The following DFFB variants were observed in gnomAD, a reference collection of about 807,000 sequenced individuals.
DFFB encodes DNA fragmentation factor subunit beta.
A neutral mutation model predicts 32.7 loss-of-function variants in DFFB; 29 were observed. That is an observed-to-expected ratio of 0.89 (90% confidence interval 0.66 to 1.21). The LOEUF is 1.21. Among genes scored for constraint, DFFB ranks in the 50% most tolerant of loss-of-function variants. The pLI, the probability that DFFB is intolerant of heterozygous loss-of-function variation, is 0.00. For synonymous variants in DFFB, 170 were observed against 177.1 expected, an observed-to-expected ratio of 0.96 and a Z score of 0.32; for missense variants, 398 against 440.6, an observed-to-expected ratio of 0.90 and a Z score of 0.87.
At chr1:3,868,225 C>G (rs1053791535) in intron 4 of DFFB, among the ~76,000 whole-genome samples, 172 bp downstream of exon 4, 5 of 152,144 alleles carry the variant, frequency 3.3e-5, no homozygotes, top group African/African-American at 1.2e-4. Context: ...CCCTGTGCCT[C>G]CTCCCTTCAT....
At chr1:3,876,814 G>A (rs75936154) in intron 6 of DFFB, among the ~76,000 whole-genome samples, 1,620 of 152,358 alleles carry the variant, frequency 0.011, 15 homozygotes, top group Non-Finnish European at 0.018. Flanking sequence ...CACAGAGAGC[G>A]TCCAGGCTTG....
Position 3,865,472 on chromosome 1 carries a change from G to A in DFFB, c.242-340G>A, listed in dbSNP as rs923901031. Among the ~76,000 whole-genome samples the A allele has an allele frequency of 3.3e-5, 5 of 152,168 alleles. No individual in the cohort carries two copies. Among genetic ancestry groups the A allele is most frequent in the African/African-American group, 1.2e-4 (5 of 41,438 alleles). Reference sequence around the variant, plus strand: ...GAGAGAGTAGGAAAAGTGATCGGAAGGATCTGAAAGCAAGGTCTCCAGGAA... The same window carrying A: ...GAGAGAGTAGGAAAAGTGATCGGAAAGATCTGAAAGCAAGGTCTCCAGGAA... On this transcript the variant is annotated intron_variant, in intron 2 of 6. Coordinates refer to ENST00000378209, the MANE Select transcript of DFFB (RefSeq NM_004402.4). The surrounding 1 kb of genome is among the most constrained non-coding windows in gnomAD (Gnocchi z 4.7).
rs1232953059 is a variant in DFFB at position 3,883,917 on chromosome 1, T to G, written c.*176T>G. The G allele has an allele frequency of 3.8e-5, 23 of 599,966 alleles. No homozygotes were observed. Among genetic ancestry groups the G allele is most frequent in the Non-Finnish European group, 6.1e-5 (21 of 342,810 alleles). 37.2% of individuals were successfully genotyped at this position (599,966 alleles called of 1,614,324 possible). A position where few individuals can be genotyped will look rare whatever the true frequency, so the allele number is the denominator to read the frequency against. ...TCATTACATTTCTGAATTGTTGGGG[T>G]TTTTTTTGTTGTTTTGTTTTGTTTT... On this transcript the variant is annotated 3_prime_UTR_variant, in exon 7 of 7. Coordinates refer to ENST00000378209, the MANE Select transcript of DFFB (RefSeq NM_004402.4).
rs574147961 is a variant in DFFB, at chr1:3,883,863, C to T, written c.*122C>T. 1 of 710,164 alleles carries T rather than the reference C, an allele frequency of 1.4e-6. No homozygotes were observed. The highest frequency in any genetic ancestry group is 1.8e-5 in the African/African-American group (1 of 55,530). The allele number at this position is 710,164 out of a possible 1,614,324, so 44.0% of individuals were successfully genotyped here. A position where few individuals can be genotyped will look rare whatever the true frequency, so the allele number is the denominator to read the frequency against. On this transcript the variant is annotated 3_prime_UTR_variant, in exon 7 of 7. Coordinates refer to ENST00000378209, the MANE Select transcript of DFFB (RefSeq NM_004402.4). The stretch of plus-strand genomic sequence containing the variant: ...CACTCCAGTAGCTCCTGGAAAAAAC[C>T]TTAAAAAATGTTTCCTCCAAATCTG...
chr1:3,871,181 C>G (rs548053887), intron 5 of DFFB, among the ~76,000 whole-genome samples: 1 of 152,334 alleles, frequency 6.6e-6, no homozygotes, highest in African/African-American at 2.4e-5. Context: ...GGTGTGTGAT[C>G]ACACGGGTAA....
intron 6 of DFFB, 33 bp from the exon 7 acceptor site, chr1:3,883,474 A>C (rs370047541): frequency 4.8e-4 from 768 of 1,603,040 alleles, no homozygotes; most frequent in Non-Finnish European, 6.3e-4. Context: ...CACTGTGACC[A>C]CAGAAAATGA....
In DFFB at chr1:3,883,820, G is replaced by T; in HGVS notation, c.*79G>T. On this transcript the variant is annotated 3_prime_UTR_variant, in exon 7 of 7. Transcript: ENST00000378209. Reference sequence around the variant, plus strand: ...TAACAGGTGCCTTTTTTGTTTTTTTGTTTTTCGTTTTTTTGGTCACTCCAG... The same window carrying T: ...TAACAGGTGCCTTTTTTGTTTTTTTTTTTTTCGTTTTTTTGGTCACTCCAG... 3.7e-6 allele frequency: 5 copies of T among 1,338,982 alleles called. No individual in the cohort carries two copies. The highest frequency in any genetic ancestry group is 4.2e-6 in the Non-Finnish European group (4 of 961,474). The allele number at this position is 1,338,982 out of a possible 1,614,324, so 82.9% of individuals were successfully genotyped here.
intron 6 of DFFB, among the ~76,000 whole-genome samples, chr1:3,877,057 G>A (rs1645238100): frequency 6.6e-6 from 1 of 152,182 alleles, no homozygotes; most frequent in Non-Finnish European, 1.5e-5. Context: ...GGAGCCCTGG[G>A]GACGTTTCTT....
At chr1:3,863,044 G>T (rs1396144268) in intron 2 of DFFB, among the ~76,000 whole-genome samples, 2 of 152,196 alleles carry the variant, frequency 1.3e-5, no homozygotes, top group Non-Finnish European at 2.9e-5. Context: ...AGCTACTCAG[G>T]AGGCTGAGGC....
chr1:3,864,797 C>T (rs1644943592), intron 2 of DFFB, among the ~76,000 whole-genome samples: 1 of 152,060 alleles, frequency 6.6e-6, no homozygotes, highest in South Asian at 2.1e-4. Flanking sequence ...GATTCTCCCA[C>T]CTCGGTCTCT....
Position 3,858,773 on chromosome 1 carries a change from A to T in DFFB, c.170A>T (p.Glu57Val), listed in dbSNP as rs150699255. The stretch of plus-strand genomic sequence containing the variant: ...TACGAGGATGGCACGGAGCTGACGG[A>T]AGATTACTTCCCCAGTGTTCCCGAC... ...CLYEDGTELT[E>V]DYFPSVPDNA... Residue 57 changes from glutamate (E) to valine (V), a missense_variant, in exon 2 of 7, where the codon GAA becomes GTA. Coordinates refer to ENST00000378209, the MANE Select transcript of DFFB (RefSeq NM_004402.4). 9.9e-6 allele frequency: 16 copies of T among 1,614,022 alleles called. No individual in the cohort carries two copies. The African/African-American group carries it at 1.9e-4, about 19-fold the overall frequency.
rs766199794 is a variant in DFFB, at chr1:3,858,749, A to G, written c.146A>G (p.Tyr49Cys). 6.2e-7 allele frequency: 1 copy of G among 1,614,154 alleles called. No individual in the cohort carries two copies. The highest frequency in any genetic ancestry group is 1.1e-5 in the South Asian group (1 of 91,086). The stretch of plus-strand genomic sequence containing the variant: ...GAGCGCGGTTCCCGGCTGTGCCTGT[A>G]CGAGGATGGCACGGAGCTGACGGAA... ...LPERGSRLCL[Y>C]EDGTELTEDY... The change falls in exon 2 of 7, where the codon TAC (tyrosine) becomes TGC (cysteine). Residue 49 changes from tyrosine (Y) to cysteine (C), a missense_variant. Coordinates refer to ENST00000378209, the MANE Select transcript of DFFB (RefSeq NM_004402.4).
chr1:3,869,855 C>T (rs2124747341), intron 5 of DFFB, 80 bp downstream of exon 5: 1 of 1,417,234 alleles, frequency 7.1e-7, no homozygotes, highest in Non-Finnish European at 9.5e-7. Context: ...CGGGTGGGGA[C>T]CTTCAGCCCT....
At chr1:3,860,593 T>C in intron 2 of DFFB, 1 of 282,372 alleles carries the variant, frequency 3.5e-6, no homozygotes, top group South Asian at 3.0e-5. Flanking sequence ...AGGTCCAATG[T>C]ACCTCTACCC....
At chr1:3,869,537 G>A in intron 4 of DFFB, 68 bp from the exon 5 acceptor site, 1 of 1,502,562 alleles carries the variant, frequency 6.7e-7, no homozygotes, top group Non-Finnish European at 9.1e-7. Context: ...GAGTGAGATG[G>A]ATCGAGAGCC....
intron 5 of DFFB, among the ~76,000 whole-genome samples, chr1:3,870,167 T>G (rs1043051210): frequency 6.6e-6 from 1 of 152,230 alleles, no homozygotes; most frequent in African/African-American, 2.4e-5. Flanking sequence ...CCTTCCCAGG[T>G]GTCCCTGCTG....
rs537185548 is a variant in DFFB, at chr1:3,873,020, A to G, written c.782+448A>G. ...CTTTTTCTTTTTCTTTTAGAGATGGAGTCTTGCTCTGTGGCCCAGGCTAAA... is the reference window on the plus strand; with the variant it reads ...CTTTTTCTTTTTCTTTTAGAGATGGGGTCTTGCTCTGTGGCCCAGGCTAAA... On this transcript the variant is annotated intron_variant, in intron 6 of 6. Transcript: ENST00000378209. The G allele has an allele frequency of 2.9e-5, 37 of 1,264,172 alleles. No homozygotes were observed. The African/African-American group carries it at 5.4e-4, about 18-fold the overall frequency. 78.3% of individuals were successfully genotyped at this position (1,264,172 alleles called of 1,614,324 possible).
At chr1:3,866,649 C>A (rs965572807) in intron 3 of DFFB, among the ~76,000 whole-genome samples, 1 of 152,100 alleles carries the variant, frequency 6.6e-6, no homozygotes, top group Non-Finnish European at 1.5e-5. Context: ...ACATTGTATG[C>A]GGCCATCCCC....
intron 4 of DFFB, among the ~76,000 whole-genome samples, chr1:3,869,072 T>C (rs1204904539): frequency 2.6e-5 from 4 of 152,174 alleles, no homozygotes; most frequent in Non-Finnish European, 5.9e-5. Flanking sequence ...GCTCATCTTC[T>C]TTTTTGAGAC....
Sources: allele counts gnomAD v4.1 joint callset (sites outside exome capture counted in the v4.1 genomes callset), GRCh38; gene constraint gnomAD v4.1.1; non-coding constraint Gnocchi (gnomAD v3.1); transcripts MANE v1.5; gene names NCBI Gene and HGNC (gene_info 2026-07-23, HGNC 2026-07-21).